Variants in PSMA6 observed in about 807,000 individuals in gnomAD.
PSMA6 encodes the protein proteasome 20S subunit alpha 6, also known as proteasome subunit alpha type-6.
For missense variants in PSMA6, 170 were observed against 294.8 expected, an observed-to-expected ratio of 0.58 and a Z score of 3.10; for synonymous variants, 88 against 97.7, an observed-to-expected ratio of 0.90 and a Z score of 0.59.
At chr14:35,292,133 C>G (rs2051492498), upstream of PSMA6, among the ~76,000 whole-genome samples, 1 of 152,194 alleles carries the variant, frequency 6.6e-6, no homozygotes, top group South Asian at 2.1e-4. Flanking sequence ...CTATTCTGGG[C>G]CCCCAGGAAG....
At chr14:35,292,335 G>A (rs1594376627), upstream of PSMA6, 4 of 1,502,830 alleles carry the variant, frequency 2.7e-6, no homozygotes, top group East Asian at 2.4e-5. Flanking sequence ...TGGCTCCAGA[G>A]CCGTGAGTTC....
chr14:35,309,849 G>A (rs1304215393), intron 3 of PSMA6, among the ~76,000 whole-genome samples: 5 of 152,126 alleles, frequency 3.3e-5, no homozygotes. Flanking sequence ...GCAGGTGCCT[G>A]TAATCCCAAC....
At chr14:35,294,082 T>C (rs1261072158) in intron 1 of PSMA6, among the ~76,000 whole-genome samples, 1 of 152,270 alleles carries the variant, frequency 6.6e-6, no homozygotes, top group Non-Finnish European at 1.5e-5. Flanking sequence ...TTCACTCTTG[T>C]TGCCTAGGCT....
chr14:35,312,845 G>A (rs2051970787), intron 4 of PSMA6, 36 bp from the exon 5 acceptor site: 1 of 1,541,258 alleles, frequency 6.5e-7, no homozygotes, highest in Non-Finnish European at 8.7e-7. Context: ...ATTGTATAAA[G>A]CTAAAACATT....
intron 1 of PSMA6, among the ~76,000 whole-genome samples, chr14:35,284,850 G>T (rs1458532024): frequency 2.6e-5 from 4 of 152,162 alleles, no homozygotes; most frequent in Non-Finnish European, 4.4e-5. Flanking sequence ...TCTGTACTTG[G>T]TACTGTGGTA....
chr14:35,296,072 T>C (rs977306119), intron 1 of PSMA6, among the ~76,000 whole-genome samples: 1 of 152,110 alleles, frequency 6.6e-6, no homozygotes, highest in African/African-American at 2.4e-5. Context: ...AGCGTGCTGA[T>C]AGGGAACTAG....
chr14:35,315,385 T>G (rs1307736385), intron 6 of PSMA6: 1 of 151,284 alleles, frequency 6.6e-6, no homozygotes. Flanking sequence ...TCAGAAAAAT[T>G]CATAGGACTT....
In PSMA6 at chr14:35,314,445, C is replaced by T; in HGVS notation, c.673C>T (p.Pro225Ser). Residue 225 changes from proline (P) to serine (S), a missense_variant, in exon 6 of 7, where the codon CCT (proline) becomes TCT (serine). Transcript: ENST00000261479. Reference sequence around the variant, plus strand: ...AGTTGGAGTAGTGACAGTTGAAAATCCTAAATTCAGGTGAGTGATATTGTG... The same window carrying T: ...AGTTGGAGTAGTGACAGTTGAAAATTCTAAATTCAGGTGAGTGATATTGTG... ...IEVGVVTVEN[P>S]KFRILTEAEI... 3 of 1,609,984 alleles carry T rather than the reference C, an allele frequency of 1.9e-6. No homozygotes were observed. The highest frequency in any genetic ancestry group is 2.5e-6 in the Non-Finnish European group (3 of 1,177,416).
chr14:35,315,658 G>T (rs2052030709), intron 6 of PSMA6: 1 of 150,416 alleles, frequency 6.6e-6, no homozygotes, highest in Non-Finnish European at 1.5e-5. Flanking sequence ...TGGGGTAGGG[G>T]TGAGGGGTGG....
intron 1 of PSMA6, chr14:35,293,021 A>G (rs969150730): frequency 4.4e-6 from 2 of 457,240 alleles, no homozygotes; most frequent in Non-Finnish European, 8.8e-6. Flanking sequence ...TGCTAGTCCT[A>G]GGAGATACAA....
At chr14:35,306,320 G>C (rs1334463266) in intron 1 of PSMA6, among the ~76,000 whole-genome samples, 3 of 150,296 alleles carry the variant, frequency 2.0e-5, no homozygotes, top group Non-Finnish European at 4.4e-5. Flanking sequence ...ACTTTGGAAT[G>C]CTGATATGGG....
rs2052066073 is a variant in PSMA6, at chr14:35,317,488, T to G, written c.*182T>G. The G allele has an allele frequency of 3.8e-6, 2 of 523,076 alleles. No individual in the cohort carries two copies. The highest frequency in any genetic ancestry group is 6.8e-6 in the Non-Finnish European group (2 of 294,358). 32.4% of individuals were successfully genotyped at this position (523,076 alleles called of 1,614,324 possible). ...TTTGGAAAATAATTGCATCCTGTTG[T>G]TTTCACCTCCTATTTTAAAATTTAT... On this transcript the variant is annotated 3_prime_UTR_variant, in exon 7 of 7. Coordinates refer to ENST00000261479, the MANE Select transcript of PSMA6 (RefSeq NM_002791.3).
At chr14:35,302,899 A>G (rs186270847) in intron 1 of PSMA6, among the ~76,000 whole-genome samples, 13 of 151,730 alleles carry the variant, frequency 8.6e-5, no homozygotes, top group South Asian at 8.3e-4. Flanking sequence ...ATCATTTTTC[A>G]TTTTGAGAAC....
intron 1 of PSMA6, among the ~76,000 whole-genome samples, chr14:35,294,448 A>T (rs1250723972): frequency 6.6e-6 from 1 of 152,260 alleles, no homozygotes; most frequent in African/African-American, 2.4e-5. Flanking sequence ...CAAGCAGTAT[A>T]GTGAAGAGTT....
In PSMA6 at chr14:35,299,545, C is replaced by T. The variant is rs185725910; in HGVS notation, c.76+6993C>T. On this transcript the variant is annotated intron_variant, in intron 1 of 6. Coordinates refer to ENST00000261479, the MANE Select transcript of PSMA6 (RefSeq NM_002791.3). Reference sequence around the variant, plus strand: ...CTATGTTGGTTAGGCTGGTCTTGAACTCCTGACCTCAAGTGATCCACCCGC... The same window carrying T: ...CTATGTTGGTTAGGCTGGTCTTGAATTCCTGACCTCAAGTGATCCACCCGC... Among the ~76,000 whole-genome samples the T allele has an allele frequency of 5.3e-3, 803 of 151,810 alleles. 11 individuals are homozygous for T. The highest frequency in any genetic ancestry group is 0.019 in the African/African-American group (776 of 41,368).
upstream of PSMA6, among the ~76,000 whole-genome samples, chr14:35,288,356 G>C (rs771718359): frequency 3.3e-5 from 5 of 152,198 alleles, no homozygotes; most frequent in Non-Finnish European, 5.9e-5. Flanking sequence ...AAATTAGCCA[G>C]GCGTGGTAGT....
upstream of PSMA6, among the ~76,000 whole-genome samples, chr14:35,291,023 CCT>C (rs1011738417): frequency 2.3e-4 from 35 of 150,758 alleles, no homozygotes; most frequent in African/African-American, 8.5e-4. Context: ...GATAGATCTT[CCT>C]CTGTCGCCCA....
At chr14:35,317,106 A>AT (rs2052058099) in intron 6 of PSMA6, 143 bp from the exon 7 acceptor site, 1 of 633,180 alleles carries the variant, frequency 1.6e-6, no homozygotes, top group Non-Finnish European at 2.8e-6. Flanking sequence ...GTGTGTATAG[A>AT]TTTTTTAAAG....
intron 1 of PSMA6, among the ~76,000 whole-genome samples, chr14:35,299,682 T>C (rs1367305461): frequency 6.6e-6 from 1 of 152,204 alleles, no homozygotes; most frequent in Admixed American, 6.5e-5. Flanking sequence ...TAAACCATGA[T>C]ACTACTGTTT....
Sources: allele counts gnomAD v4.1 joint callset (sites outside exome capture counted in the v4.1 genomes callset), GRCh38; gene constraint gnomAD v4.1.1; transcripts MANE v1.5; gene names NCBI Gene and HGNC (gene_info 2026-07-23, HGNC 2026-07-21).